EPHA3: variants seen among roughly 807,000 people sequenced by gnomAD.
The protein encoded by EPHA3 is EPH receptor A3.
In EPHA3, 42 loss-of-function variants were observed where a neutral mutation model predicts 107.1. That is an observed-to-expected ratio of 0.39 (90% CI 0.31 to 0.51). The LOEUF (loss-of-function observed/expected upper bound fraction) is 0.51, where lower values mean the gene tolerates loss of function less well. Ranked by LOEUF, EPHA3 falls within the 20% of genes least tolerant of loss-of-function variation. The pLI is 0.78. For missense variants in EPHA3, 1,183 were observed against 1,211.2 expected (o/e 0.98, Z 0.35); for synonymous variants, 461 against 424.8 (o/e 1.09, Z -1.05).
intron 1 of EPHA3, among the ~76,000 whole-genome samples, chr3:89,124,285 T>C (rs772315760): frequency 1.3e-5 from 2 of 152,186 alleles, no homozygotes; most frequent in African/African-American, 4.8e-5. Flanking sequence ...ATTGAGTCAA[T>C]GTATGCAGAG....
In EPHA3 at chr3:89,435,658, TTAAAA is replaced by T. The variant is rs1450843586; in HGVS notation, c.2346+4303_2346+4307del. Among the ~76,000 whole-genome samples, 16 of 147,492 alleles carry T rather than the reference TTAAAA, an allele frequency of 1.1e-4. 1 individual carries two copies. In the East Asian group the frequency reaches 3.1e-3, roughly 29 times the overall value. On this transcript the variant is annotated intron_variant, in intron 13 of 16. Coordinates refer to ENST00000336596, the MANE Select transcript of EPHA3 (RefSeq NM_005233.6). The stretch of plus-strand genomic sequence containing the variant: ...TACTATATATATGTGTGTATATGTA[TTAAAA>T]TAATATAGGACAGGTGCGGTGGCTC...
intron 5 of EPHA3, among the ~76,000 whole-genome samples, chr3:89,376,783 T>G (rs1389421161): frequency 6.6e-6 from 1 of 152,126 alleles, no homozygotes; most frequent in African/African-American, 2.4e-5. Flanking sequence ...CAGCGTTATT[T>G]GCCATTTCCT....
chr3:89,189,875 C>G (rs1332747979), intron 2 of EPHA3, among the ~76,000 whole-genome samples: 1 of 152,102 alleles, frequency 6.6e-6, no homozygotes, highest in Admixed American at 6.5e-5. Context: ...ATTAGTACGT[C>G]TTCCTTTGTT....
At chr3:89,135,641 A>G (rs1454786334) in intron 2 of EPHA3, among the ~76,000 whole-genome samples, 1 of 151,698 alleles carries the variant, frequency 6.6e-6, no homozygotes, top group East Asian at 1.9e-4. Flanking sequence ...ATAAACGCAT[A>G]TATCTTGAAT....
At chr3:89,367,098 ATC>A (rs1708200623) in intron 5 of EPHA3, among the ~76,000 whole-genome samples, 1 of 150,594 alleles carries the variant, frequency 6.6e-6, no homozygotes, top group Non-Finnish European at 1.5e-5. Flanking sequence ...AAGTACCTTA[ATC>A]CAAGTGCTTT....
At chr3:89,154,270 GTTTT>G (rs1195353397) in intron 2 of EPHA3, among the ~76,000 whole-genome samples, 8 of 140,906 alleles carry the variant, frequency 5.7e-5, no homozygotes, top group South Asian at 2.2e-4. Context: ...GTTTTTGTTT[GTTTT>G]TTTTTTTTTT....
rs1290414327 is a variant in EPHA3, at chr3:89,431,352, C to T, written c.2339C>T (p.Thr780Ile). ...GAGGATGACCCAGAAGCTGCTTATA[C>T]AACAAGAGTGAGTAACTTAGATTTT... ...VLEDDPEAAY[T>I]TRGGKIPIRW... Residue 780 changes from threonine to isoleucine, a missense_variant, in exon 13 of 17, where the codon ACA (threonine) becomes ATA (isoleucine). Coordinates refer to ENST00000336596, the MANE Select transcript of EPHA3 (RefSeq NM_005233.6). The T allele has an allele frequency of 1.2e-6, 2 of 1,612,696 alleles. No individual in the cohort carries two copies. Among genetic ancestry groups the T allele is most frequent in the African/African-American group, 2.7e-5 (2 of 74,808 alleles).
At chr3:89,322,409 T>C (rs1023510210) in intron 3 of EPHA3, among the ~76,000 whole-genome samples, 1 of 152,032 alleles carries the variant, frequency 6.6e-6, no homozygotes, top group Non-Finnish European at 1.5e-5. Flanking sequence ...CAACATGATA[T>C]AAATTTGGAC....
intron 3 of EPHA3, among the ~76,000 whole-genome samples, chr3:89,279,897 C>A (rs1705898068): frequency 6.6e-6 from 1 of 152,042 alleles, no homozygotes; most frequent in South Asian, 2.1e-4. Context: ...GTAATTACTT[C>A]AATAATAAGA....
chr3:89,223,566 C>T (rs185972409), intron 3 of EPHA3, among the ~76,000 whole-genome samples: 7 of 152,284 alleles, frequency 4.6e-5, no homozygotes, highest in Admixed American at 6.5e-5. Context: ...CGTTCCTAGA[C>T]TAGTAATAAA....
chr3:89,302,675 A>G (rs977815439), intron 3 of EPHA3, among the ~76,000 whole-genome samples: 3 of 152,128 alleles, frequency 2.0e-5, no homozygotes, highest in African/African-American at 7.2e-5. Flanking sequence ...AAAAATCTTC[A>G]AAATGTCTAT....
intron 5 of EPHA3, among the ~76,000 whole-genome samples, chr3:89,352,902 C>CAAAAAAAAAAAAAAAAAAAAA (rs1215369952): frequency 2.0e-4 from 8 of 41,004 alleles, no homozygotes; most frequent in African/African-American, 7.9e-4. Flanking sequence ...GACTCTGTCT[C>CAAAAAAAAAAAAAAAAAAAAA]AAAAAAAAAA....
intron 3 of EPHA3, among the ~76,000 whole-genome samples, chr3:89,246,167 T>C (rs1559617335): frequency 1.3e-5 from 2 of 152,202 alleles, no homozygotes; most frequent in African/African-American, 2.4e-5. Context: ...TGCCACCTTC[T>C]GCATTTTAGA....
intron 5 of EPHA3, among the ~76,000 whole-genome samples, chr3:89,358,588 A>G (rs962228908): frequency 1.3e-5 from 2 of 151,238 alleles, no homozygotes; most frequent in Admixed American, 6.6e-5. Flanking sequence ...GGTTTGGCCA[A>G]GAAAAGACAG....
At chr3:89,239,237 T>C (rs932097698) in intron 3 of EPHA3, among the ~76,000 whole-genome samples, 22 of 152,152 alleles carry the variant, frequency 1.4e-4, no homozygotes, top group African/African-American at 5.3e-4. Flanking sequence ...TCAAAGTAAA[T>C]GCTGTCTTAC....
intron 7 of EPHA3, among the ~76,000 whole-genome samples, chr3:89,401,387 G>T (rs536248374): frequency 4.6e-5 from 7 of 152,256 alleles, no homozygotes; most frequent in African/African-American, 1.7e-4. Context: ...AATAAAATGT[G>T]TATGGAGAAA....
chr3:89,456,829 C>T (rs2107561865), intron 15 of EPHA3, among the ~76,000 whole-genome samples: 1 of 152,220 alleles, frequency 6.6e-6, no homozygotes, highest in Middle Eastern at 3.4e-3. Context: ...TTTGATAGTA[C>T]ATCAGTACAA....
intron 7 of EPHA3, chr3:89,400,190 T>TCC (rs1708929769): frequency 2.2e-6 from 1 of 450,120 alleles, no homozygotes; most frequent in Non-Finnish European, 2.8e-6. Context: ...TTTTCTTTCT[T>TCC]TCTTTTTTTT....
intron 3 of EPHA3, among the ~76,000 whole-genome samples, chr3:89,310,960 ACT>A (rs1466175874): frequency 6.6e-6 from 1 of 151,840 alleles, no homozygotes; most frequent in Non-Finnish European, 1.5e-5. Flanking sequence ...TCTTATCCTG[ACT>A]CTGCCATTTC....
Sources: allele counts gnomAD v4.1 joint callset (sites outside exome capture counted in the v4.1 genomes callset), GRCh38; gene constraint gnomAD v4.1.1; transcripts MANE v1.5; gene names NCBI Gene and HGNC (gene_info 2026-07-23, HGNC 2026-07-21).